TNRC6A: variants seen among roughly 807,000 people sequenced by gnomAD.
TNRC6A encodes trinucleotide repeat-containing gene 6A protein.
Under a neutral mutation model 221.2 loss-of-function variants are expected in TNRC6A, and 44 were observed. The ratio of observed to expected loss-of-function variants is 0.20; its 90% CI spans 0.16 to 0.26. The LOEUF is 0.26. Among genes scored for constraint, TNRC6A ranks in the 10% least tolerant of loss-of-function variants. TNRC6A has a pLI of 1.00. For synonymous variants in TNRC6A, 847 were observed against 838.5 expected, an observed-to-expected ratio of 1.01 and a Z score of -0.18; for missense variants, 2,199 against 2,404.4, an observed-to-expected ratio of 0.91 and a Z score of 1.79.
chr16:24,795,931 A>G lies in TNRC6A; in HGVS notation c.3553A>G (p.Arg1185Gly). Reference sequence around the variant, plus strand: ...GGGTCTGAGTGGCAAAAAAAGGAGAAGGGAAAGGGTGTGTAGCCTTTTTAC... The same window carrying G: ...GGGTCTGAGTGGCAAAAAAAGGAGAGGGGAAAGGGTGTGTAGCCTTTTTAC... ...SKGLSGKKRR[R>G]ERGMMKGGNK... Residue 1185 changes from arginine to glycine, a missense_variant, in exon 9 of 25, where the codon AGG (arginine) becomes GGG (glycine). Physicochemically the swap from Arg to Gly is moderately radical, Grantham distance 125. Around this residue, in one of 8 missense-constraint regions of TNRC6A, gnomAD observed 158 missense variants for 159.1 expected, o/e 0.99. Coordinates refer to ENST00000395799, the MANE Select transcript of TNRC6A (RefSeq NM_014494.4). 1.2e-6 allele frequency: 2 copies of G among 1,609,724 alleles called. No homozygotes were observed. The highest frequency in any genetic ancestry group is 1.1e-5 in the South Asian group (1 of 90,586).
chr16:24,776,853 C>T (rs1294589193), intron 4 of TNRC6A, 80 bp from the exon 5 acceptor site: 10 of 1,527,014 alleles, frequency 6.5e-6, no homozygotes, highest in Middle Eastern at 1.8e-4. Flanking sequence ...TTTCTTAGTG[C>T]CTTTGAATTT....
intron 5 of TNRC6A, among the ~76,000 whole-genome samples, chr16:24,780,319 G>C (rs567444169): frequency 1.3e-5 from 2 of 152,232 alleles, no homozygotes; most frequent in East Asian, 3.9e-4. Flanking sequence ...CCACTTAAAA[G>C]TAAGTATGCA....
At chr16:24,714,847 T>C (rs1350373423) in intron 2 of TNRC6A, among the ~76,000 whole-genome samples, 1 of 151,808 alleles carries the variant, frequency 6.6e-6, no homozygotes, top group East Asian at 1.9e-4. Flanking sequence ...TTTTCCTACT[T>C]TTTTGCTTAT....
At chr16:24,726,696 G>A (rs1017566371), upstream of TNRC6A, among the ~76,000 whole-genome samples, 1 of 152,176 alleles carries the variant, frequency 6.6e-6, no homozygotes, top group African/African-American at 2.4e-5. Context: ...TGGAGCTGGA[G>A]AGGAATGACG....
chr16:24,772,785 G>A (rs1567451326), intron 4 of TNRC6A, among the ~76,000 whole-genome samples: 1 of 152,102 alleles, frequency 6.6e-6, no homozygotes, highest in Non-Finnish European at 1.5e-5. Context: ...CCAAAAACAA[G>A]TATATACTAG....
At chr16:24,704,959 C>T (rs1403029414) in intron 2 of TNRC6A, among the ~76,000 whole-genome samples, 1 of 151,920 alleles carries the variant, frequency 6.6e-6, no homozygotes. Flanking sequence ...GGCAACATAA[C>T]GAGACCCTGT....
chr16:24,735,534 T>G (rs1417755708), intron 2 of TNRC6A, among the ~76,000 whole-genome samples: 2 of 152,210 alleles, frequency 1.3e-5, no homozygotes, highest in African/African-American at 4.8e-5. Flanking sequence ...CCAATATGCT[T>G]TTTTTCCAGC....
At chr16:24,787,948 G>C (rs2058010364) in intron 5 of TNRC6A, among the ~76,000 whole-genome samples, 1 of 152,158 alleles carries the variant, frequency 6.6e-6, no homozygotes, top group East Asian at 1.9e-4. Flanking sequence ...CACTACGTGT[G>C]ATTCTGATTT....
chr16:24,815,357 T>G, intron 19 of TNRC6A, 52 bp downstream of exon 19: 3 of 1,594,314 alleles, frequency 1.9e-6, no homozygotes, highest in Non-Finnish European at 1.7e-6. Context: ...CCATTAAGGT[T>G]TTGTTACATC....
chr16:24,703,945 G>A (rs763984481), intron 2 of TNRC6A, among the ~76,000 whole-genome samples: 17 of 151,958 alleles, frequency 1.1e-4, no homozygotes, highest in Non-Finnish European at 1.8e-4. Flanking sequence ...TCAACTGGGC[G>A]TGGTGATGCG....
At chr16:24,812,278 C>G (rs1394133606) in intron 18 of TNRC6A, among the ~76,000 whole-genome samples, 1 of 151,968 alleles carries the variant, frequency 6.6e-6, no homozygotes, top group East Asian at 1.9e-4. Context: ...TCTCGTTCTC[C>G]TGAACTCAGG....
In TNRC6A at chr16:24,750,762, AAAG is replaced by A. The variant is rs781616091; in HGVS notation, c.93_95del (p.Lys35del). ...AAGAAGAAGAACAGTTGATGGAAGA[AAAG>A]AAAAAGAAAAAAGACGACAAGAAAA... is the stretch of plus-strand genomic sequence containing the variant. On this transcript the variant is annotated inframe_deletion, in exon 3 of 25. Transcript: ENST00000395799. 3 of 1,569,294 alleles carry A rather than the reference AAAG, an allele frequency of 1.9e-6. No homozygotes were observed. Among genetic ancestry groups the A allele is most frequent in the Non-Finnish European group, 2.6e-6 (3 of 1,161,414 alleles).
rs532287300 is a variant in TNRC6A at position 24,692,291 on chromosome 16, C to T, written n.402+51282C>T. ...GTAATTTTAAAATACAAAAGGGAGG[C>T]CGGGAGTGGTGGCTCACACCTGTAA... On this transcript the variant is annotated intron_variant and non_coding_transcript_variant, in intron 2 of 2. Coordinates refer to the TNRC6A transcript ENST00000566108. 5.9e-5 allele frequency among the ~76,000 whole-genome samples: 9 copies of T among 152,292 alleles called. No individual in the cohort carries two copies. In the East Asian group the frequency reaches 1.7e-3, roughly 29 times the overall value.
chr16:24,674,639 ACT>A (rs993913769), intron 2 of TNRC6A, among the ~76,000 whole-genome samples: 1 of 151,472 alleles, frequency 6.6e-6, no homozygotes, highest in African/African-American at 2.4e-5. Flanking sequence ...AGAAGCTGAG[ACT>A]CTGTAAAGTA....
At chr16:24,621,186 T>A (rs1347696146) in intron 1 of TNRC6A, among the ~76,000 whole-genome samples, 2 of 151,126 alleles carry the variant, frequency 1.3e-5, no homozygotes, top group African/African-American at 4.9e-5. Context: ...ATAAAAATAA[T>A]TTTAAAAAAA....
intron 1 of TNRC6A, among the ~76,000 whole-genome samples, chr16:24,636,405 C>G (rs892254957): frequency 1.4e-5 from 2 of 146,138 alleles, no homozygotes; most frequent in Admixed American, 6.9e-5. Flanking sequence ...GGATCTTGCT[C>G]TGTTACTCAG....
intron 4 of TNRC6A, 59 bp from the exon 5 acceptor site, chr16:24,776,874 C>G: frequency 1.3e-6 from 2 of 1,551,734 alleles, no homozygotes; most frequent in Non-Finnish European, 1.7e-6. Flanking sequence ...AGATGGCTTA[C>G]TTTGGAGGTA....
At chr16:24,742,890 C>G (rs1484825823) in intron 2 of TNRC6A, among the ~76,000 whole-genome samples, 2 of 152,168 alleles carry the variant, frequency 1.3e-5, no homozygotes, top group African/African-American at 4.8e-5. Context: ...GAGATCGAGC[C>G]ATTGCACTCC....
At chr16:24,641,626 T>C (rs1425035232) in intron 2 of TNRC6A, among the ~76,000 whole-genome samples, 1 of 152,232 alleles carries the variant, frequency 6.6e-6, no homozygotes, top group African/African-American at 2.4e-5. Context: ...TGAAGGATGT[T>C]CTTAAGCCCA....
Sources: allele counts gnomAD v4.1 joint callset (sites outside exome capture counted in the v4.1 genomes callset), GRCh38; gene constraint gnomAD v4.1.1; regional missense constraint gnomAD v4.1.1; transcripts MANE v1.5; gene names NCBI Gene and HGNC (gene_info 2026-07-23, HGNC 2026-07-21).